CCSER2: variants seen among roughly 807,000 people sequenced by gnomAD.
The protein encoded by CCSER2 is coiled-coil serine rich protein 2, also known as serine-rich coiled-coil domain-containing protein 2.
CCSER2 carries 46 observed loss-of-function variants against 92.3 expected under a neutral mutation model. The observed-to-expected ratio is 0.50, with a 90% CI of 0.39 to 0.64. The LOEUF (loss-of-function observed/expected upper bound fraction) is 0.64. CCSER2 is among the 30% of genes least tolerant of loss of function. CCSER2 has a pLI of 0.00. For synonymous variants in CCSER2, 433 were observed against 431.4 expected (o/e 1.00, Z -0.04); for missense variants, 1,244 against 1,238.9 (o/e 1.00, Z -0.06).
At chr10:84,446,668 G>A (rs1225801758) in intron 6 of CCSER2, among the ~76,000 whole-genome samples, 3 of 152,096 alleles carry the variant, frequency 2.0e-5, no homozygotes, top group Admixed American at 6.5e-5. Context: ...ATGTGAAGGA[G>A]CTTGTACTCT....
At chr10:84,370,977 T>G (rs976656336) in intron 1 of CCSER2, 37 bp from the exon 2 acceptor site, 1 of 894,112 alleles carries the variant, frequency 1.1e-6, no homozygotes, top group Non-Finnish European at 1.6e-6. Flanking sequence ...TATCCTTATT[T>G]AGGAATGTTT....
intron 1 of CCSER2, among the ~76,000 whole-genome samples, chr10:84,338,738 T>C (rs1589383566): frequency 6.6e-6 from 1 of 152,344 alleles, no homozygotes; most frequent in East Asian, 1.9e-4. Context: ...GCTACTCTTC[T>C]CTACCACCCC....
intron 5 of CCSER2, among the ~76,000 whole-genome samples, chr10:84,433,391 TAC>T (rs1843902453): frequency 6.6e-6 from 1 of 152,046 alleles, no homozygotes; most frequent in African/African-American, 2.4e-5. Context: ...TGACTCAGGT[TAC>T]ATAAGAAATG....
At chr10:84,432,132 G>A (rs1843806025) in intron 5 of CCSER2, among the ~76,000 whole-genome samples, 1 of 152,126 alleles carries the variant, frequency 6.6e-6, no homozygotes, top group Non-Finnish European at 1.5e-5. Context: ...GTTTTAATTT[G>A]CAGTTCCCTA....
At chr10:84,471,990 TATA>T (rs1400706534) in intron 8 of CCSER2, among the ~76,000 whole-genome samples, 5 of 152,000 alleles carry the variant, frequency 3.3e-5, no homozygotes, top group Non-Finnish European at 5.9e-5. Flanking sequence ...TTAGATAAAT[TATA>T]ATGTTTATGA....
chr10:84,468,265 G>A (rs142285020), intron 7 of CCSER2, among the ~76,000 whole-genome samples: 1 of 152,110 alleles, frequency 6.6e-6, no homozygotes, highest in African/African-American at 2.4e-5. Flanking sequence ...TTATCCTTTG[G>A]AACTCCACTG....
intron 4 of CCSER2, among the ~76,000 whole-genome samples, chr10:84,421,502 C>T (rs1312012816): frequency 6.6e-6 from 1 of 152,064 alleles, no homozygotes; most frequent in East Asian, 1.9e-4. Flanking sequence ...ATAAAATGAT[C>T]AGATCTCATG....
chr10:84,352,082 C>T (rs1360078474), intron 1 of CCSER2, among the ~76,000 whole-genome samples: 2 of 152,086 alleles, frequency 1.3e-5, no homozygotes, highest in South Asian at 2.1e-4. Context: ...AGGCGGATCA[C>T]GAGGTCAGGA....
At chr10:84,492,991 GT>G (rs763724869) in intron 9 of CCSER2, among the ~76,000 whole-genome samples, 17 of 152,116 alleles carry the variant, frequency 1.1e-4, no homozygotes, top group Non-Finnish European at 2.1e-4. Context: ...TTTGGAAGGT[GT>G]TTTCTTCTCG....
In CCSER2 at chr10:84,438,681, C is replaced by T. The variant is rs1418790323; in HGVS notation, c.2038C>T (p.Leu680Phe). ...TTGCACTGCTGTAAAAACTCAGTTA[C>T]TCAAACTGAAACGTCTCCTGCATCA... The part of the protein sequence containing the change: ...QDCTAVKTQL[L>F]KLKRLLHQHD... Residue 680 changes from leucine to phenylalanine, a missense_variant, in exon 6 of 10, where the codon CTC (leucine) becomes TTC (phenylalanine). Leu to Phe is a conservative substitution (Grantham distance 22). Coordinates refer to ENST00000372088, the MANE Select transcript of CCSER2 (RefSeq NM_001284240.2). 1 of 1,607,768 alleles carries T rather than the reference C, an allele frequency of 6.2e-7. No homozygotes were observed.
chr10:84,428,971 T>G (rs576489782), intron 5 of CCSER2, among the ~76,000 whole-genome samples: 14 of 122,526 alleles, frequency 1.1e-4, no homozygotes, highest in African/African-American at 1.8e-4. Context: ...AAGATTTTTT[T>G]TGTGTGTGTA....
intron 3 of CCSER2, among the ~76,000 whole-genome samples, chr10:84,404,254 T>C (rs1010995735): frequency 2.0e-5 from 3 of 152,194 alleles, no homozygotes; most frequent in African/African-American, 7.2e-5. Flanking sequence ...AATTTCACTA[T>C]GCCAACCCCT....
chr10:84,355,483 C>G (rs1845116038), intron 1 of CCSER2, among the ~76,000 whole-genome samples: 1 of 152,096 alleles, frequency 6.6e-6, no homozygotes, highest in Admixed American at 6.5e-5. Flanking sequence ...TTTATGTTAT[C>G]CCTCTCTCCC....
intron 3 of CCSER2, among the ~76,000 whole-genome samples, chr10:84,415,767 GA>G (rs1370128890): frequency 6.6e-6 from 1 of 152,236 alleles, no homozygotes; most frequent in Non-Finnish European, 1.5e-5. Context: ...CAGCTGAGTT[GA>G]CCAGACGGCA....
chr10:84,426,990 G>A (rs1843469872), intron 5 of CCSER2, among the ~76,000 whole-genome samples: 1 of 152,174 alleles, frequency 6.6e-6, no homozygotes, highest in Admixed American at 6.5e-5. Flanking sequence ...TTAAATGGTG[G>A]ACTCAATTGT....
chr10:84,471,979 C>G (rs888800415), intron 8 of CCSER2, among the ~76,000 whole-genome samples: 5 of 151,486 alleles, frequency 3.3e-5, no homozygotes, highest in Admixed American at 1.3e-4. Context: ...AAAAAATATA[C>G]TTAGATAAAT....
intron 3 of CCSER2, among the ~76,000 whole-genome samples, chr10:84,416,669 CTG>C (rs1404732039): frequency 6.6e-6 from 1 of 152,134 alleles, no homozygotes; most frequent in African/African-American, 2.4e-5. Context: ...TAGCTCAAGT[CTG>C]TAATTCCAGC....
chr10:84,403,318 A>G (rs1842216674), intron 3 of CCSER2, among the ~76,000 whole-genome samples: 2 of 152,218 alleles, frequency 1.3e-5, no homozygotes, highest in South Asian at 2.1e-4. Flanking sequence ...TCGATCATAT[A>G]AAATGTGAAC....
chr10:84,380,699 T>C (rs1294217183), intron 3 of CCSER2, among the ~76,000 whole-genome samples: 10 of 150,056 alleles, frequency 6.7e-5, no homozygotes, highest in Non-Finnish European at 3.0e-5. Context: ...CTTTTCTTTT[T>C]TTTTTTTTTT....
Sources: allele counts gnomAD v4.1 joint callset (sites outside exome capture counted in the v4.1 genomes callset), GRCh38; gene constraint gnomAD v4.1.1; transcripts MANE v1.5; gene names NCBI Gene and HGNC (gene_info 2026-07-23, HGNC 2026-07-21).